The following AGAP3 variants were observed in gnomAD, a reference collection of about 807,000 sequenced individuals.
AGAP3 encodes arf-GAP with GTPase, ANK repeat and PH domain-containing protein 3.
Under a neutral mutation model 96.9 loss-of-function variants are expected in AGAP3, and 24 were observed. The observed-to-expected ratio is 0.25, with a 90% CI of 0.18 to 0.35. The LOEUF (loss-of-function observed/expected upper bound fraction) is 0.35. Ranked by LOEUF, AGAP3 falls within the 10% of genes least tolerant of loss-of-function variation. The probability of loss-of-function intolerance (pLI) is 1.00; values close to 1 mark genes in which losing one functional copy is unlikely to be tolerated. For missense variants in AGAP3, 876 were observed against 1,254.2 expected, an observed-to-expected ratio of 0.70 and a Z score of 4.55; for synonymous variants, 563 against 536.1, an observed-to-expected ratio of 1.05 and a Z score of -0.69.
rs943554966 is a variant in AGAP3 at position 151,114,673 on chromosome 7, C to T, written c.332-2120C>T. 7 of 983,836 alleles carry T rather than the reference C, an allele frequency of 7.1e-6. No individual in the cohort carries two copies. In the African/African-American group the frequency reaches 1.1e-4, roughly 15 times the overall value. The allele number at this position is 983,836 out of a possible 1,614,324, so 60.9% of individuals were successfully genotyped here. On this transcript the variant is annotated intron_variant, in intron 1 of 17. Coordinates refer to ENST00000397238, the MANE Select transcript of AGAP3 (RefSeq NM_031946.7). This position sits in a 1 kb window ranked among gnomAD's most constrained non-coding sequence, Gnocchi z 4.4. ...ACTCGGTCGGCCCACACCAGGTGCC[C>T]AGAGGCCGGAGGTCCGTGCGCCCCG...
chr7:151,120,432 C>G, intron 8 of AGAP3: 1 of 680,018 alleles, frequency 1.5e-6, no homozygotes. Flanking sequence ...GCCTTCCTCT[C>G]TCCTAGGCCC....
rs1276448014 is a variant in AGAP3 at position 151,086,756 on chromosome 7, G to A, written c.15G>A (p.Ala5=). 1 of 967,278 alleles carries A rather than the reference G, an allele frequency of 1.0e-6. No individual in the cohort carries two copies. The highest frequency in any genetic ancestry group is 1.2e-6 in the Non-Finnish European group (1 of 818,026). The allele number at this position is 967,278 out of a possible 1,614,324, so 59.9% of individuals were successfully genotyped here. A position where few individuals can be genotyped will look rare whatever the true frequency, so the allele number is the denominator to read the frequency against. The change falls in exon 1 of 18, where the codon GCG becomes GCA. Residue 5 remains alanine, a synonymous_variant. Coordinates refer to ENST00000397238, the MANE Select transcript of AGAP3 (RefSeq NM_031946.7). Reference sequence around the variant, plus strand: ...GCTCCGAAGCCATGAACTTCCAGGCGGGCGGGGGGCAGAGCCCGCAGCAGC... The same window carrying A: ...GCTCCGAAGCCATGAACTTCCAGGCAGGCGGGGGGCAGAGCCCGCAGCAGC... MNFQ[A]GGGQSPQQQQ...
rs1799454022 is a variant in AGAP3 at position 151,114,701 on chromosome 7, C to T, written c.332-2092C>T. The T allele has an allele frequency of 1.0e-6, 1 of 996,272 alleles. No individual in the cohort carries two copies. 61.7% of individuals were successfully genotyped at this position (996,272 alleles called of 1,614,324 possible). ...AGGCCGGAGGTCCGTGCGCCCCGGC[C>T]GCGGCCCCGGCCCGGGCCCAGCCCC... is the stretch of plus-strand genomic sequence containing the variant. On this transcript the variant is annotated intron_variant, in intron 1 of 17. Transcript: ENST00000397238. The surrounding 1 kb of genome is among the most constrained non-coding windows in gnomAD (Gnocchi z 4.4).
intron 1 of AGAP3, 143 bp downstream of exon 1, chr7:151,087,215 C>A: frequency 2.2e-6 from 2 of 893,122 alleles, no homozygotes; most frequent in Non-Finnish European, 3.5e-6. Flanking sequence ...GTTTGCCGAT[C>A]TGTGTTGCAG....
intron 1 of AGAP3, among the ~76,000 whole-genome samples, chr7:151,111,983 GCTGT>G (rs908216236): frequency 3.3e-5 from 5 of 152,212 alleles, no homozygotes; most frequent in Admixed American, 2.0e-4. Flanking sequence ...GTAGGTAGTG[GCTGT>G]CTGTGTCGAG....
Position 151,142,828 on chromosome 7 carries a change from C to CT in AGAP3, c.2273+197dup, listed in dbSNP as rs1800872564. Among the ~76,000 whole-genome samples the CT allele has an allele frequency of 6.6e-6, 1 of 152,236 alleles. No individual in the cohort carries two copies. The highest frequency in any genetic ancestry group is 1.5e-5 in the Non-Finnish European group (1 of 68,040). ...CTCAGGCGCCTCACAACAACGGGCC[C>CT]TTTCTGAGCGTTATCAGCAGGTCAG... On this transcript the variant is annotated intron_variant, in intron 16 of 17. Coordinates refer to ENST00000397238, the MANE Select transcript of AGAP3 (RefSeq NM_031946.7). This position sits in a 1 kb window ranked among gnomAD's most constrained non-coding sequence, Gnocchi z 7.5.
At chr7:151,092,867 A>G (rs1454262401) in intron 1 of AGAP3, among the ~76,000 whole-genome samples, 1 of 152,164 alleles carries the variant, frequency 6.6e-6, no homozygotes, top group Non-Finnish European at 1.5e-5. Flanking sequence ...CTGCTTCTAC[A>G]GGAAACTTTA....
At chr7:151,097,253 G>A (rs532980579) in intron 1 of AGAP3, among the ~76,000 whole-genome samples, 4 of 151,972 alleles carry the variant, frequency 2.6e-5, no homozygotes, top group South Asian at 2.1e-4. Flanking sequence ...AGTTTAGGTC[G>A]GGCACTGTGG....
chr7:151,090,989 C>T (rs1233609871), intron 1 of AGAP3, among the ~76,000 whole-genome samples: 1 of 152,224 alleles, frequency 6.6e-6, no homozygotes, highest in Non-Finnish European at 1.5e-5. Context: ...TACGCCCTGG[C>T]ATCCCACAGC....
chr7:151,117,279 C>T, intron 3 of AGAP3, 92 bp from the exon 4 acceptor site: 2 of 1,592,592 alleles, frequency 1.3e-6, no homozygotes, highest in South Asian at 1.1e-5. Flanking sequence ...CCCTTCCAGT[C>T]CTCTTCCCTC....
intron 8 of AGAP3, chr7:151,123,428 C>T: frequency 8.9e-7 from 1 of 1,122,202 alleles, no homozygotes; most frequent in Non-Finnish European, 1.1e-6. Flanking sequence ...CACTTGTGGA[C>T]TTTGCGCTCC....
chr7:151,130,325 CA>C (rs1196446161), intron 10 of AGAP3, among the ~76,000 whole-genome samples: 2 of 152,072 alleles, frequency 1.3e-5, no homozygotes. Flanking sequence ...GTTTTGGTTT[CA>C]GTAGAGGAAA....
rs145161198 is a variant in AGAP3, at chr7:151,102,385, A to G, written c.332-14408A>G. Among the ~76,000 whole-genome samples, 548 of 152,266 alleles carry G rather than the reference A, an allele frequency of 3.6e-3. 2 individuals carry two copies. The highest frequency in any genetic ancestry group is 6.0e-3 in the Non-Finnish European group (405 of 68,008). On this transcript the variant is annotated intron_variant, in intron 1 of 17. Coordinates refer to ENST00000397238, the MANE Select transcript of AGAP3 (RefSeq NM_031946.7). ...TCCAGCACTTTGTGTTTGTGCTGCAAATGTCACAAGATTGACAGCTTCTGC... is the reference window on the plus strand; with the variant it reads ...TCCAGCACTTTGTGTTTGTGCTGCAGATGTCACAAGATTGACAGCTTCTGC...
Position 151,142,621 on chromosome 7 carries a change from C to T in AGAP3, c.2260C>T (p.Pro754Ser), listed in dbSNP as rs1426228563. 4 of 1,612,358 alleles carry T rather than the reference C, an allele frequency of 2.5e-6. No homozygotes were observed. Among genetic ancestry groups the T allele is most frequent in the African/African-American group, 1.3e-5 (1 of 74,940 alleles). ...CTTGGGTGGCTACTCCAAGCCAGGG[C>T]CTGATGCCTGCAGGTGAGCAGATGG... ...GALGGYSKPG[P>S]DACREEKERW... The change falls in exon 16 of 18, where the codon CCT becomes TCT. Residue 754 changes from proline to serine, a missense_variant. Pro to Ser is a moderately conservative substitution (Grantham distance 74). Around this residue, in one of 8 missense-constraint regions of AGAP3, gnomAD observed 213 missense variants for 253.8 expected, o/e 0.84. Transcript: ENST00000397238. This position sits in a 1 kb window ranked among gnomAD's most constrained non-coding sequence, Gnocchi z 7.5.
chr7:151,087,839 G>C (rs1161676388), intron 1 of AGAP3, among the ~76,000 whole-genome samples: 4 of 152,276 alleles, frequency 2.6e-5, no homozygotes, highest in Non-Finnish European at 4.4e-5. Flanking sequence ...TTCGACCGCT[G>C]AGGGCACAGG....
At chr7:151,126,105 CGGCT>C (rs1258237465) in intron 9 of AGAP3, among the ~76,000 whole-genome samples, 1 of 144,688 alleles carries the variant, frequency 6.9e-6, no homozygotes, top group African/African-American at 2.4e-5. Flanking sequence ...CCCGCGCCCC[CGGCT>C]AACGAGCGTC....
At chr7:151,100,166 G>A (rs1464615684) in intron 1 of AGAP3, among the ~76,000 whole-genome samples, 1 of 152,192 alleles carries the variant, frequency 6.6e-6, no homozygotes, top group Non-Finnish European at 1.5e-5. Flanking sequence ...GGGGTGTCCT[G>A]AGCCCAACTC....
chr7:151,093,684 C>T (rs1798486731), intron 1 of AGAP3, among the ~76,000 whole-genome samples: 2 of 152,158 alleles, frequency 1.3e-5, no homozygotes, highest in African/African-American at 4.8e-5. Flanking sequence ...GTGGAAAATG[C>T]TTTGCTGGGA....
At chr7:151,113,718 C>G (rs1056436886) in intron 1 of AGAP3, among the ~76,000 whole-genome samples, 1 of 152,230 alleles carries the variant, frequency 6.6e-6, no homozygotes, top group African/African-American at 2.4e-5. Context: ...TGACCGGAAA[C>G]TGGCTGGGCT....
Sources: allele counts gnomAD v4.1 joint callset (sites outside exome capture counted in the v4.1 genomes callset), GRCh38; gene constraint gnomAD v4.1.1; regional missense constraint gnomAD v4.1.1; non-coding constraint Gnocchi (gnomAD v3.1); transcripts MANE v1.5; gene names NCBI Gene and HGNC (gene_info 2026-07-23, HGNC 2026-07-21).